Variants in TAFA1 observed in about 807,000 individuals in gnomAD.
The protein encoded by TAFA1 is chemokine-like protein TAFA-1.
TAFA1 carries 4 observed loss-of-function variants against 18.5 expected under a neutral mutation model. The observed-to-expected ratio is 0.22, with a 90% CI of 0.11 to 0.49. The LOEUF is 0.49. Among genes scored for constraint, TAFA1 ranks in the 20% least tolerant of loss-of-function variants. The pLI is 0.98. For missense variants in TAFA1, 147 were observed against 169.0 expected (o/e 0.87, Z 0.72); for synonymous variants, 56 against 55.2 (o/e 1.01, Z -0.06).
chr3:68,114,182 G>A (rs1159284744), intron 2 of TAFA1, among the ~76,000 whole-genome samples: 2 of 151,978 alleles, frequency 1.3e-5, no homozygotes, highest in African/African-American at 2.4e-5. Flanking sequence ...ACAGGAGGAC[G>A]TAGGAGACGT....
intron 2 of TAFA1, among the ~76,000 whole-genome samples, chr3:68,393,614 A>C (rs935895492): frequency 6.6e-6 from 1 of 152,208 alleles, no homozygotes; most frequent in South Asian, 2.1e-4. Flanking sequence ...AAAATCCTCT[A>C]TAATATACTG....
intron 2 of TAFA1, among the ~76,000 whole-genome samples, chr3:68,225,693 T>C (rs138308762): frequency 6.6e-6 from 1 of 152,310 alleles, no homozygotes; most frequent in Admixed American, 6.5e-5. Flanking sequence ...TATTTACTTA[T>C]TATAAAACGT....
intron 2 of TAFA1, among the ~76,000 whole-genome samples, chr3:68,407,765 C>T (rs984780450): frequency 1.3e-5 from 2 of 152,130 alleles, no homozygotes; most frequent in African/African-American, 4.8e-5. Context: ...TGTTACCCTG[C>T]CTCAAACATG....
chr3:68,464,843 C>T (rs2071855654), intron 3 of TAFA1, among the ~76,000 whole-genome samples: 1 of 152,138 alleles, frequency 6.6e-6, no homozygotes, highest in Admixed American at 6.6e-5. Flanking sequence ...TTAGAATAAG[C>T]ATGACACTGC....
chr3:68,090,065 C>G (rs572064735), intron 2 of TAFA1, among the ~76,000 whole-genome samples: 2 of 152,120 alleles, frequency 1.3e-5, no homozygotes, highest in Non-Finnish European at 2.9e-5. Context: ...TTCCTTCATT[C>G]GTTCAATCAC....
chr3:68,476,388 A>G (rs1046150937), intron 3 of TAFA1, among the ~76,000 whole-genome samples: 1 of 152,212 alleles, frequency 6.6e-6, no homozygotes, highest in African/African-American at 2.4e-5. Flanking sequence ...TACAAAGGTT[A>G]TGAAAGGGAA....
chr3:68,165,621 G>A (rs556581372), intron 2 of TAFA1, among the ~76,000 whole-genome samples: 2 of 152,312 alleles, frequency 1.3e-5, no homozygotes, highest in South Asian at 2.1e-4. Flanking sequence ...TAATTAACTA[G>A]CATCCTAGAG....
intron 2 of TAFA1, among the ~76,000 whole-genome samples, chr3:68,037,974 G>T (rs1241327838): frequency 6.6e-6 from 1 of 152,130 alleles, no homozygotes; most frequent in Non-Finnish European, 1.5e-5. Context: ...AAAGCCACAA[G>T]ACAACTTTCC....
At chr3:68,265,576 T>C (rs2067526212) in intron 2 of TAFA1, among the ~76,000 whole-genome samples, 1 of 152,172 alleles carries the variant, frequency 6.6e-6, no homozygotes. Flanking sequence ...GAAGGAACTT[T>C]TCCAGGGCAC....
intron 3 of TAFA1, among the ~76,000 whole-genome samples, chr3:68,428,479 C>G (rs999479422): frequency 6.6e-6 from 1 of 151,764 alleles, no homozygotes; most frequent in African/African-American, 2.4e-5. Flanking sequence ...TAGGTGACCC[C>G]CAGGAAACGA....
intron 2 of TAFA1, among the ~76,000 whole-genome samples, chr3:68,309,890 T>G (rs2068486314): frequency 6.6e-6 from 1 of 152,170 alleles, no homozygotes; most frequent in African/African-American, 2.4e-5. Context: ...GGATTATATA[T>G]TCCTTTATGT....
chr3:68,503,475 T>C (rs1483525004), intron 3 of TAFA1, among the ~76,000 whole-genome samples: 1 of 152,070 alleles, frequency 6.6e-6, no homozygotes, highest in Non-Finnish European at 1.5e-5. Flanking sequence ...ATGTCCAGAA[T>C]AGGTAAATCC....
Position 68,491,555 on chromosome 3 carries a change from G to A in TAFA1, c.260-47201G>A, listed in dbSNP as rs545536695. 4.7e-5 allele frequency among the ~76,000 whole-genome samples: 5 copies of A among 106,524 alleles called. No homozygotes were observed. In the East Asian group the frequency reaches 1.7e-3, roughly 36 times the overall value. The allele number at this position is 106,524 out of a possible 152,430, so 69.9% of individuals were successfully genotyped here. A position where few individuals can be genotyped will look rare whatever the true frequency, so the allele number is the denominator to read the frequency against. On this transcript the variant is annotated intron_variant, in intron 3 of 4. Transcript: ENST00000478136. Reference sequence around the variant, plus strand: ...GGGACTGTTGTGGGGTGGGGGGAGGGGGGAGGGATAGCATTGGGAGATATA... The same window carrying A: ...GGGACTGTTGTGGGGTGGGGGGAGGAGGGAGGGATAGCATTGGGAGATATA...
intron 2 of TAFA1, among the ~76,000 whole-genome samples, chr3:68,158,235 C>T (rs1002500347): frequency 7.2e-5 from 11 of 152,046 alleles, no homozygotes; most frequent in African/African-American, 1.7e-4. Context: ...GCCACATTTC[C>T]GATTCAGAAG....
chr3:68,190,394 A>T (rs1401999367), intron 2 of TAFA1, among the ~76,000 whole-genome samples: 1 of 151,986 alleles, frequency 6.6e-6, no homozygotes, highest in East Asian at 2.0e-4. Context: ...CCACACACCC[A>T]TCTGAACTTG....
chr3:67,996,676 A>G, the TAFA1 span, among the ~76,000 whole-genome samples: 1 of 151,974 alleles, frequency 6.6e-6, no homozygotes, highest in Non-Finnish European at 1.5e-5. Context: ...GTCTGTGCCT[A>G]TAATCCCAGC....
the TAFA1 span, among the ~76,000 whole-genome samples, chr3:67,993,835 G>T: frequency 6.6e-6 from 1 of 152,088 alleles, no homozygotes; most frequent in Non-Finnish European, 1.5e-5. Flanking sequence ...GGAAAATGTG[G>T]TGACAGATGG....
At chr3:68,024,180 G>A (rs983798965) in intron 2 of TAFA1, among the ~76,000 whole-genome samples, 22 of 151,960 alleles carry the variant, frequency 1.4e-4, no homozygotes, top group Admixed American at 9.8e-4. Context: ...GAACTGTATC[G>A]TTTCTAGTAA....
intron 2 of TAFA1, among the ~76,000 whole-genome samples, chr3:68,313,195 CATGTTGCTTATAACATTA>C (rs1185807315): frequency 2.6e-5 from 4 of 152,210 alleles, no homozygotes; most frequent in African/African-American, 9.6e-5. Flanking sequence ...TATTTCTCAT[CATGTTGCTTATAACATTA>C]ATGTTGCTTA....
Sources: allele counts gnomAD v4.1 joint callset (sites outside exome capture counted in the v4.1 genomes callset), GRCh38; gene constraint gnomAD v4.1.1; transcripts MANE v1.5; gene names NCBI Gene and HGNC (gene_info 2026-07-23, HGNC 2026-07-21).